Variants in SH3RF1 observed in about 807,000 individuals in gnomAD.
The protein encoded by SH3RF1 is SH3 domain containing ring finger 1, also known as E3 ubiquitin-protein ligase SH3RF1.
SH3RF1 carries 32 observed loss-of-function variants against 74.0 expected under a neutral mutation model. That is an observed-to-expected ratio of 0.43 (90% CI 0.33 to 0.58). SH3RF1 has a LOEUF of 0.58. SH3RF1 is among the 20% of genes least tolerant of loss of function. The pLI, the probability that SH3RF1 is intolerant of heterozygous loss-of-function variation, is 0.05. For missense variants in SH3RF1, 954 were observed against 1,130.9 expected (o/e 0.84, Z 2.24); for synonymous variants, 396 against 439.6 (o/e 0.90, Z 1.24).
intron 4 of SH3RF1, among the ~76,000 whole-genome samples, chr4:169,154,042 G>C (rs1376411734): frequency 6.6e-6 from 1 of 152,078 alleles, no homozygotes; most frequent in Non-Finnish European, 1.5e-5. Context: ...AAAAAGTAAA[G>C]ACAGGCTTTC....
At position 169,160,503 on chromosome 4, in the gene SH3RF1, T is replaced by A. The variant is rs557156555; in HGVS notation, c.394-3824A>T. Among the ~76,000 whole-genome samples, 31 of 152,354 alleles carry A rather than the reference T, an allele frequency of 2.0e-4. No homozygotes were observed. In the East Asian group the frequency reaches 5.4e-3, roughly 27 times the overall value. ...CGTGATGCAACTGAAAATTCATTAA[T>A]TCACCCCAACTTGCTAAGTCTTGAC... On this transcript the variant is annotated intron_variant, in intron 2 of 11. Transcript: ENST00000284637.
At chr4:169,251,066 AC>A (rs775276469) in intron 2 of SH3RF1, among the ~76,000 whole-genome samples, 3 of 152,196 alleles carry the variant, frequency 2.0e-5, no homozygotes, top group Non-Finnish European at 4.4e-5. Context: ...CAGTTATGCG[AC>A]TGAAGTCTAA....
chr4:169,184,708 TG>T (rs1303149829), intron 2 of SH3RF1, among the ~76,000 whole-genome samples: 1 of 152,214 alleles, frequency 6.6e-6, no homozygotes, highest in Non-Finnish European at 1.5e-5. Context: ...AAGAAAGTTT[TG>T]TTTTGGGGTA....
chr4:169,266,696 C>A (rs542116910), intron 2 of SH3RF1, among the ~76,000 whole-genome samples: 13 of 152,058 alleles, frequency 8.5e-5, no homozygotes, highest in African/African-American at 3.1e-4. Context: ...AACTCCTGGG[C>A]TCAAGTGATC....
At chr4:169,154,018 T>A (rs1328845580) in intron 4 of SH3RF1, among the ~76,000 whole-genome samples, 2 of 152,170 alleles carry the variant, frequency 1.3e-5, no homozygotes, top group Non-Finnish European at 2.9e-5. Context: ...CAGCATGTAA[T>A]ATTGATAATA....
chr4:169,210,802 C>A (rs1385298021), intron 2 of SH3RF1, among the ~76,000 whole-genome samples: 2 of 152,204 alleles, frequency 1.3e-5, no homozygotes, highest in African/African-American at 4.8e-5. Flanking sequence ...ACAGTTGTTT[C>A]TGTACCTCAG....
At chr4:169,206,358 T>C (rs1321768555) in intron 2 of SH3RF1, among the ~76,000 whole-genome samples, 1 of 152,138 alleles carries the variant, frequency 6.6e-6, no homozygotes, top group Admixed American at 6.6e-5. Flanking sequence ...TTGCCAGCAC[T>C]GCCCTAGAGT....
chr4:169,179,227 T>C (rs564792330), intron 2 of SH3RF1, among the ~76,000 whole-genome samples: 2 of 152,302 alleles, frequency 1.3e-5, no homozygotes, highest in South Asian at 4.2e-4. Flanking sequence ...GCAACTTTGC[T>C]GGCTTTGAAG....
chr4:169,182,821 A>G (rs1338496238), intron 2 of SH3RF1, among the ~76,000 whole-genome samples: 1 of 152,176 alleles, frequency 6.6e-6, no homozygotes, highest in African/African-American at 2.4e-5. Context: ...CACAAAATAG[A>G]TAAGTTAGTA....
At chr4:169,118,979 TAAC>T (rs1418041882) in intron 8 of SH3RF1, among the ~76,000 whole-genome samples, 1 of 152,346 alleles carries the variant, frequency 6.6e-6, no homozygotes, top group Non-Finnish European at 1.5e-5. Context: ...ATTTAAATGA[TAAC>T]AATTCTGTAT....
chr4:169,108,916 TA>T (rs1317700944), intron 10 of SH3RF1, among the ~76,000 whole-genome samples: 1 of 152,160 alleles, frequency 6.6e-6, no homozygotes, highest in Non-Finnish European at 1.5e-5. Flanking sequence ...AAAATATAGC[TA>T]GTGCCAGGCC....
intron 2 of SH3RF1, among the ~76,000 whole-genome samples, chr4:169,230,160 C>G (rs745325889): frequency 2.6e-5 from 4 of 152,176 alleles, no homozygotes; most frequent in Non-Finnish European, 5.9e-5. Context: ...GCCAAGATCA[C>G]GCTGCTCCAG....
At chr4:169,146,016 T>C (rs1490078104) in intron 4 of SH3RF1, among the ~76,000 whole-genome samples, 2 of 138,548 alleles carry the variant, frequency 1.4e-5, no homozygotes, top group Admixed American at 7.4e-5. Flanking sequence ...ATATATTCTA[T>C]ATAAAATATT....
intron 2 of SH3RF1, among the ~76,000 whole-genome samples, chr4:169,261,281 T>G (rs1476797039): frequency 1.3e-5 from 2 of 152,238 alleles, no homozygotes; most frequent in African/African-American, 2.4e-5. Context: ...GCTTTCCTGG[T>G]CCACTGTCAT....
In SH3RF1 at chr4:169,117,774, G is replaced by T; in HGVS notation, c.1526C>A (p.Thr509Lys). The T allele has an allele frequency of 1.1e-5, 18 of 1,608,496 alleles. No homozygotes were observed. The highest frequency in any genetic ancestry group is 1.4e-5 in the Non-Finnish European group (17 of 1,175,352). ...NYVAPVTRAV[T>K]NASQAKVPMS... ...AGGGACTTTAGCTTGGGAAGCATTT[G>T]TCACCGCCCTGCCAAGACACAAACA... The change falls in exon 9 of 12, where the codon ACA (threonine) becomes AAA (lysine). Residue 509 changes from threonine (T) to lysine (K), a missense_variant. Physicochemically the swap from Thr to Lys is moderately conservative, Grantham distance 78. Transcript: ENST00000284637.
intron 2 of SH3RF1, among the ~76,000 whole-genome samples, chr4:169,255,622 T>TAC (rs56229906): frequency 0.2 from 25,371 of 124,504 alleles, 2,208 homozygotes; most frequent in Admixed American, 0.26. Context: ...CATACACACA[T>TAC]ACACACACAC....
intron 2 of SH3RF1, among the ~76,000 whole-genome samples, chr4:169,195,898 G>C (rs1317956834): frequency 9.9e-5 from 15 of 151,936 alleles, no homozygotes; most frequent in Admixed American, 9.8e-4. Flanking sequence ...GCCCAGGCTG[G>C]AGTGCAGTGG....
intron 4 of SH3RF1, among the ~76,000 whole-genome samples, chr4:169,137,410 T>C (rs992355876): frequency 2.0e-5 from 3 of 152,144 alleles, no homozygotes; most frequent in African/African-American, 4.8e-5. Flanking sequence ...AGCCTTTTGT[T>C]TTCCCTAGGG....
chr4:169,097,317 C>A (rs1174758361), intron 11 of SH3RF1, among the ~76,000 whole-genome samples: 1 of 152,168 alleles, frequency 6.6e-6, no homozygotes, highest in African/African-American at 2.4e-5. Flanking sequence ...GTCCCAAGGT[C>A]CAGACATGGA....
Sources: allele counts gnomAD v4.1 joint callset (sites outside exome capture counted in the v4.1 genomes callset), GRCh38; gene constraint gnomAD v4.1.1; transcripts MANE v1.5; gene names NCBI Gene and HGNC (gene_info 2026-07-23, HGNC 2026-07-21).